EAPP: variants seen among roughly 807,000 people sequenced by gnomAD.
EAPP encodes the protein E2F-associated phosphoprotein.
A neutral mutation model predicts 34.3 loss-of-function variants in EAPP; 38 were observed. The ratio of observed to expected loss-of-function variants is 1.11; its 90% CI spans 0.85 to 1.45. The LOEUF is 1.45. EAPP is among the 40% of genes most tolerant of loss of function. EAPP has a pLI of 0.00. For missense variants in EAPP, 338 were observed against 343.7 expected (o/e 0.98, Z 0.13); for synonymous variants, 113 against 117.6 (o/e 0.96, Z 0.25).
chr14:34,537,700 C>A (rs1880521731), intron 1 of EAPP, among the ~76,000 whole-genome samples: 1 of 152,200 alleles, frequency 6.6e-6, no homozygotes, highest in South Asian at 2.1e-4. Context: ...ACGATGCCAA[C>A]CCACTGAATG....
chr14:34,527,770 G>C (rs1015983662), intron 4 of EAPP, among the ~76,000 whole-genome samples: 7 of 152,106 alleles, frequency 4.6e-5, no homozygotes, highest in African/African-American at 1.7e-4. Context: ...AATCCACAGA[G>C]ACAGTGCACA....
Position 34,536,214 on chromosome 14 carries a change from T to C in EAPP, c.136A>G (p.Arg46Gly), listed in dbSNP as rs761042244. The C allele has an allele frequency of 1.2e-6, 2 of 1,612,824 alleles. No homozygotes were observed. The highest frequency in any genetic ancestry group is 1.7e-6 in the Non-Finnish European group (2 of 1,179,628). Residue 46 changes from arginine (R) to glycine (G), a missense_variant, in exon 2 of 6, where the codon AGA (arginine) becomes GGA (glycine). By Grantham distance (125) the Arg-to-Gly change is moderately radical (BLOSUM62 -2). Coordinates refer to ENST00000250454, the MANE Select transcript of EAPP (RefSeq NM_018453.4). The stretch of plus-strand genomic sequence containing the variant: ...TCACTTTCTCCGGTAAGACATTCTC[T>C]GATGAGTTTTCGTTTTTGGTCAGGA... ...GTPDQKRKLI[R>G]ECLTGESESS... is the part of the protein sequence containing the mutation.
rs1350472595 is a variant in EAPP at position 34,517,083 on chromosome 14, G to A, written c.582-497C>T. On this transcript the variant is annotated intron_variant, in intron 5 of 5. Transcript: ENST00000250454. Reference sequence around the variant, plus strand: ...CTCCCGAGTAGCTGGGACTACAGGCGCCCGCCACCATGCCTGGCTAATTTT... The same window carrying A: ...CTCCCGAGTAGCTGGGACTACAGGCACCCGCCACCATGCCTGGCTAATTTT... 2.7e-5 allele frequency among the ~76,000 whole-genome samples: 4 copies of A among 148,960 alleles called. No homozygotes were observed. The South Asian group carries it at 6.4e-4, about 24-fold the overall frequency.
chr14:34,517,040 C>A (rs1245706556), intron 5 of EAPP, among the ~76,000 whole-genome samples: 3 of 150,212 alleles, frequency 2.0e-5, no homozygotes, highest in African/African-American at 7.4e-5. Context: ...TGGGTTCACG[C>A]CATTCTCCTG....
intron 2 of EAPP, among the ~76,000 whole-genome samples, chr14:34,533,883 T>C (rs1304950394): frequency 6.6e-6 from 1 of 152,104 alleles, no homozygotes; most frequent in Non-Finnish European, 1.5e-5. Context: ...CATTTTGTTC[T>C]AAGAAACATT....
In EAPP at chr14:34,518,325, A is replaced by ATTTTTTTT. The variant is rs71404852; in HGVS notation, c.582-1747_582-1740dup. On this transcript the variant is annotated intron_variant, in intron 5 of 5. Transcript: ENST00000250454. ...TACTGTATTGTATCTCTCCCTTTAG[A>ATTTTTTTT]TTTTTTTTTTTTTTTTTTTTTTTTT... Among the ~76,000 whole-genome samples, 26 of 74,082 alleles carry ATTTTTTTT rather than the reference A, an allele frequency of 3.5e-4. 5 individuals are homozygous for ATTTTTTTT. Among genetic ancestry groups the ATTTTTTTT allele is most frequent in the African/African-American group, 1.4e-3 (21 of 14,628 alleles). 48.6% of individuals were successfully genotyped at this position (74,082 alleles called of 152,430 possible).
intron 5 of EAPP, among the ~76,000 whole-genome samples, chr14:34,523,931 G>A (rs1880008069): frequency 6.6e-6 from 1 of 152,040 alleles, no homozygotes; most frequent in African/African-American, 2.4e-5. Flanking sequence ...TCTAAGTACA[G>A]AACTTTATCA....
At chr14:34,527,244 G>A (rs1880126566) in intron 4 of EAPP, among the ~76,000 whole-genome samples, 1 of 151,534 alleles carries the variant, frequency 6.6e-6, no homozygotes, top group Non-Finnish European at 1.5e-5. Context: ...AAGACAGGAG[G>A]ATCACCTGGG....
intron 1 of EAPP, 187 bp downstream of exon 1, chr14:34,539,368 C>T (rs765904245): frequency 2.8e-6 from 2 of 712,150 alleles, no homozygotes; most frequent in South Asian, 3.0e-5. Context: ...CAGGCGACAT[C>T]GGCACCGCCT....
chr14:34,535,246 C>T (rs1880430326), intron 2 of EAPP, among the ~76,000 whole-genome samples: 5 of 146,316 alleles, frequency 3.4e-5, no homozygotes, highest in Admixed American at 3.4e-4. Context: ...TCTCCTGCCT[C>T]GGCCTCCCAA....
At chr14:34,525,358 G>A (rs1880060468) in intron 4 of EAPP, among the ~76,000 whole-genome samples, 1 of 152,132 alleles carries the variant, frequency 6.6e-6, no homozygotes, top group Admixed American at 6.6e-5. Flanking sequence ...GGTCAGCAAG[G>A]TGATCGAGGT....
chr14:34,521,985 G>C (rs1226766429), intron 5 of EAPP, among the ~76,000 whole-genome samples: 1 of 151,902 alleles, frequency 6.6e-6, no homozygotes, highest in Non-Finnish European at 1.5e-5. Context: ...TAGAGACAGA[G>C]TCTGACTCTG....
At chr14:34,539,211 T>G (rs539118498) in intron 1 of EAPP, 1 of 466,654 alleles carries the variant, frequency 2.1e-6, no homozygotes, top group Admixed American at 3.1e-5. Flanking sequence ...ATTATGTTAT[T>G]ATAGTTCAAT....
chr14:34,526,848 G>A (rs1431418014), intron 4 of EAPP, among the ~76,000 whole-genome samples: 3 of 149,932 alleles, frequency 2.0e-5, no homozygotes, highest in African/African-American at 7.4e-5. Flanking sequence ...CTACAGTCTG[G>A]GCAACACAGC....
At position 34,516,368 on chromosome 14, in the gene EAPP, G is replaced by T. The variant is rs749870980; in HGVS notation, c.800C>A (p.Ala267Glu). 1.2e-6 allele frequency: 2 copies of T among 1,614,078 alleles called. No homozygotes were observed. Among genetic ancestry groups the T allele is most frequent in the South Asian group, 2.2e-5 (2 of 91,040 alleles). ...AAAGACTTCATCCTTGTCGTAGACTGCCACTTCAGTGGAACATTCAGTGCA... is the reference window on the plus strand; with the variant it reads ...AAAGACTTCATCCTTGTCGTAGACTTCCACTTCAGTGGAACATTCAGTGCA... ...VMCTECSTEV[A>E]VYDKDEVFHF... The change falls in exon 6 of 6, where the codon GCA becomes GAA. Residue 267 changes from alanine to glutamate, a missense_variant. Ala to Glu is a moderately radical substitution (Grantham distance 107). Coordinates refer to ENST00000250454, the MANE Select transcript of EAPP (RefSeq NM_018453.4).
At chr14:34,534,520 A>C (rs1481348086) in intron 2 of EAPP, among the ~76,000 whole-genome samples, 1 of 152,204 alleles carries the variant, frequency 6.6e-6, no homozygotes, top group African/African-American at 2.4e-5. Flanking sequence ...TTCATTACTC[A>C]CTAAAGTGAA....
At position 34,516,213 on chromosome 14, in the gene EAPP, CT is replaced by C. The variant is rs1879712888; in HGVS notation, c.*96del. The C allele has an allele frequency of 8.6e-7, 1 of 1,163,428 alleles. No homozygotes were observed. The highest frequency in any genetic ancestry group is 1.2e-6 in the Non-Finnish European group (1 of 831,188). The allele number at this position is 1,163,428 out of a possible 1,614,324, so 72.1% of individuals were successfully genotyped here. On this transcript the variant is annotated 3_prime_UTR_variant, in exon 6 of 6. Transcript: ENST00000250454. ...CCTTTAAAAAGAGAAACACTGCTTC[CT>C]CAATGTCACTGAAGGATATGAACAG...
Position 34,539,440 on chromosome 14 carries a change from G to C in EAPP, c.74+115C>G, listed in dbSNP as rs1880586718. On this transcript the variant is annotated intron_variant, in intron 1 of 5. Coordinates refer to ENST00000250454, the MANE Select transcript of EAPP (RefSeq NM_018453.4). The stretch of plus-strand genomic sequence containing the variant: ...TTGGCTTCGCACAAGTAACAGGCAC[G>C]ACAGGCTCCCGAGCCGCTAGGGTCT... 3 of 1,179,504 alleles carry C rather than the reference G, an allele frequency of 2.5e-6. 1 individual carries two copies. Among genetic ancestry groups the C allele is most frequent in the Admixed American group, 3.7e-5 (2 of 54,450 alleles). 73.1% of individuals were successfully genotyped at this position (1,179,504 alleles called of 1,614,324 possible).
At chr14:34,529,880 G>A (rs1304278706) in intron 3 of EAPP, among the ~76,000 whole-genome samples, 1 of 152,128 alleles carries the variant, frequency 6.6e-6, no homozygotes, top group Non-Finnish European at 1.5e-5. Context: ...GCTGGGCATG[G>A]TAGTAGGCAC....
Sources: allele counts gnomAD v4.1 joint callset (sites outside exome capture counted in the v4.1 genomes callset), GRCh38; gene constraint gnomAD v4.1.1; transcripts MANE v1.5; gene names NCBI Gene and HGNC (gene_info 2026-07-23, HGNC 2026-07-21).